Variants in MTAP observed in about 807,000 individuals in gnomAD.
The protein encoded by MTAP is S-methyl-5'-thioadenosine phosphorylase.
A neutral mutation model predicts 33.6 loss-of-function variants in MTAP; 33 were observed. The ratio of observed to expected loss-of-function variants is 0.98; its 90% CI spans 0.74 to 1.31. The LOEUF is 1.31. Ranked by LOEUF, MTAP falls within the 40% of genes most tolerant of loss-of-function variation. The probability of loss-of-function intolerance (pLI) is 0.00; values close to 1 mark genes in which losing one functional copy is unlikely to be tolerated. For synonymous variants in MTAP, 148 were observed against 125.7 expected, an observed-to-expected ratio of 1.18 and a Z score of -1.19; for missense variants, 367 against 360.0, an observed-to-expected ratio of 1.02 and a Z score of -0.16.
intron 4 of MTAP, among the ~76,000 whole-genome samples, chr9:21,833,610 C>G (rs1825026851): frequency 6.6e-6 from 1 of 152,186 alleles, no homozygotes; most frequent in South Asian, 2.1e-4. Flanking sequence ...AGATTCACTT[C>G]CCCTAAACCG....
chr9:21,903,387 A>G (rs1166862197), intron 1 of MTAP, among the ~76,000 whole-genome samples: 1 of 152,222 alleles, frequency 6.6e-6, no homozygotes, highest in African/African-American at 2.4e-5. Context: ...GAGAATTTCC[A>G]GAAGAAAATG....
intron 1 of MTAP, among the ~76,000 whole-genome samples, chr9:21,912,778 G>A (rs1001178055): frequency 1.3e-4 from 20 of 152,188 alleles, no homozygotes; most frequent in Admixed American, 3.3e-4. Flanking sequence ...GGAAGTTCTG[G>A]CCAGGGCAAT....
At chr9:21,838,693 A>T (rs1325561340) in intron 5 of MTAP, among the ~76,000 whole-genome samples, 1 of 152,248 alleles carries the variant, frequency 6.6e-6, no homozygotes, top group Non-Finnish European at 1.5e-5. Context: ...CAGTGGTGGT[A>T]TAAGGGGTGG....
intron 1 of MTAP, among the ~76,000 whole-genome samples, chr9:21,804,438 T>C (rs1824152458): frequency 6.6e-6 from 1 of 152,212 alleles, no homozygotes; most frequent in Non-Finnish European, 1.5e-5. Context: ...GAATGGGCAA[T>C]GGGATTCTCA....
At chr9:21,933,091 C>T (rs1289937904), downstream of MTAP, 1 of 152,198 alleles carries the variant, frequency 6.6e-6, no homozygotes, top group Admixed American at 6.5e-5. Context: ...CAAAGGAAAA[C>T]TCTCAGAAAT....
chr9:21,805,444 G>A (rs1311300392), intron 1 of MTAP, among the ~76,000 whole-genome samples: 4 of 152,132 alleles, frequency 2.6e-5, no homozygotes, highest in African/African-American at 9.7e-5. Flanking sequence ...AGTCAGGGTG[G>A]GAAACCAACT....
intron 4 of MTAP, among the ~76,000 whole-genome samples, chr9:21,821,389 G>T (rs1824635126): frequency 6.6e-6 from 1 of 152,150 alleles, no homozygotes; most frequent in Non-Finnish European, 1.5e-5. Flanking sequence ...TAATCATGTA[G>T]TTTTTGTCTT....
intron 1 of MTAP, chr9:21,893,902 T>G (rs925756810): frequency 3.4e-5 from 5 of 148,132 alleles, no homozygotes; most frequent in African/African-American, 1.3e-4. Flanking sequence ...TCTAACTTAT[T>G]CTATAAGGCT....
At chr9:21,837,103 T>G (rs1563840765) in intron 4 of MTAP, among the ~76,000 whole-genome samples, 1 of 152,028 alleles carries the variant, frequency 6.6e-6, no homozygotes, top group East Asian at 1.9e-4. Flanking sequence ...CCAGGTGACT[T>G]GGTGCTAGAT....
chr9:21,848,785 T>G (rs1182243686), intron 5 of MTAP, among the ~76,000 whole-genome samples: 3 of 152,180 alleles, frequency 2.0e-5, no homozygotes, highest in Admixed American at 2.0e-4. Flanking sequence ...TAATGTCAGA[T>G]CTAACTGTGG....
intron 4 of MTAP, among the ~76,000 whole-genome samples, chr9:21,829,349 C>G (rs1824908172): frequency 6.6e-6 from 1 of 152,170 alleles, no homozygotes; most frequent in South Asian, 2.1e-4. Context: ...ACTTTACCCA[C>G]TACACGTTGG....
intron 1 of MTAP, among the ~76,000 whole-genome samples, chr9:21,807,073 C>T (rs545908815): frequency 9.4e-4 from 143 of 152,160 alleles, no homozygotes; most frequent in Admixed American, 2.2e-3. Flanking sequence ...CCAAGGTGGG[C>T]GAATCTCTTG....
At chr9:21,899,135 A>G (rs1203551138) in intron 1 of MTAP, among the ~76,000 whole-genome samples, 1 of 150,802 alleles carries the variant, frequency 6.6e-6, no homozygotes, top group African/African-American at 2.4e-5. Context: ...TCCCAAGGAC[A>G]GAAAACCAAA....
At chr9:21,914,485 C>T (rs1450126335) in intron 1 of MTAP, among the ~76,000 whole-genome samples, 1 of 152,078 alleles carries the variant, frequency 6.6e-6, no homozygotes, top group African/African-American at 2.4e-5. Flanking sequence ...TTTGTAGGGA[C>T]ATGGATGAAG....
chr9:21,938,316 T>C (rs1255660639), downstream of MTAP, among the ~76,000 whole-genome samples: 1 of 151,104 alleles, frequency 6.6e-6, no homozygotes, highest in Non-Finnish European at 1.5e-5. Context: ...GTCATGCCTG[T>C]AGTCCCAGCT....
At chr9:21,867,366 T>C (rs1004176380), downstream of MTAP, among the ~76,000 whole-genome samples, 2 of 152,204 alleles carry the variant, frequency 1.3e-5, no homozygotes, top group Non-Finnish European at 2.9e-5. Flanking sequence ...ATTCCTATTT[T>C]GCCAAGAGTG....
chr9:21,933,090 ACT>A (rs1204518201), downstream of MTAP: 3 of 152,172 alleles, frequency 2.0e-5, no homozygotes, highest in East Asian at 5.8e-4. Context: ...CCAAAGGAAA[ACT>A]CTCAGAAATT....
At chr9:21,906,881 T>G (rs1818486074) in intron 1 of MTAP, among the ~76,000 whole-genome samples, 1 of 152,216 alleles carries the variant, frequency 6.6e-6, no homozygotes, top group Non-Finnish European at 1.5e-5. Context: ...AAATGCTTTT[T>G]GCCAAGAAAA....
intron 5 of MTAP, 139 bp downstream of exon 5, chr9:21,838,149 A>C: frequency 4.8e-6 from 3 of 626,766 alleles, no homozygotes; most frequent in Admixed American, 2.9e-5. Flanking sequence ...TTTTATGAAG[A>C]GTTATTTCCT....
Sources: allele counts gnomAD v4.1 joint callset (sites outside exome capture counted in the v4.1 genomes callset), GRCh38; gene constraint gnomAD v4.1.1; transcripts MANE v1.5; gene names NCBI Gene and HGNC (gene_info 2026-07-23, HGNC 2026-07-21).